SLC17A3: variants seen among roughly 807,000 people sequenced by gnomAD.
SLC17A3 encodes the protein solute carrier family 17 member 3.
SLC17A3 carries 61 observed loss-of-function variants against 60.3 expected under a neutral mutation model. That is an observed-to-expected ratio of 1.01 (90% CI 0.82 to 1.25). SLC17A3 has a LOEUF of 1.25. Ranked by LOEUF, SLC17A3 falls within the 50% of genes most tolerant of loss-of-function variation. SLC17A3 has a pLI of 0.00. For synonymous variants in SLC17A3, 192 were observed against 208.9 expected, an observed-to-expected ratio of 0.92 and a Z score of 0.70; for missense variants, 624 against 594.9, an observed-to-expected ratio of 1.05 and a Z score of -0.51.
chr6:25,850,931 A>C (rs1765266723), intron 6 of SLC17A3, 54 bp from the exon 7 acceptor site: 1 of 1,265,360 alleles, frequency 7.9e-7, no homozygotes, highest in Non-Finnish European at 1.2e-6. Flanking sequence ...TTTTGGGTGA[A>C]CTTCTTTTAT....
Position 25,857,557 on chromosome 6 carries a change from C to CA in SLC17A3, c.626-2328dup, listed in dbSNP as rs577314037. 8.4e-3 allele frequency among the ~76,000 whole-genome samples: 957 copies of CA among 113,502 alleles called. 4 individuals carry two copies. Among genetic ancestry groups the CA allele is most frequent in the African/African-American group, 0.021 (628 of 30,420 alleles). The allele number at this position is 113,502 out of a possible 152,430, so 74.5% of individuals were successfully genotyped here. A position where few individuals can be genotyped will look rare whatever the true frequency, so the allele number is the denominator to read the frequency against. On this transcript the variant is annotated intron_variant, in intron 5 of 12. Coordinates refer to ENST00000397060, the MANE Select transcript of SLC17A3 (RefSeq NM_001098486.2). ...AAGATCTTTTCCTACCACATAACGT[C>CA]AAAAAAAAAAAAAGAAAAAAAAGTC...
chr6:25,849,389 T>C lies in SLC17A3; in HGVS notation c.1347A>G (p.Gly449=), dbSNP rs1193109870. Residue 449 remains glycine, a synonymous_variant, in exon 11 of 13, where the codon GGA becomes GGG. Coordinates refer to ENST00000397060, the MANE Select transcript of SLC17A3 (RefSeq NM_001098486.2). ...AAAATTGTACCTGACTAAGAAGAAATCCACTGACAGTGGGTACAATGACAG... is the reference window on the plus strand; with the variant it reads ...AAAATTGTACCTGACTAAGAAGAAACCCACTGACAGTGGGTACAATGACAG... ...IAPVIVPTVS[G]FLLSQDPEFG... 9.3e-6 allele frequency: 15 copies of C among 1,606,918 alleles called. No homozygotes were observed. The highest frequency in any genetic ancestry group is 1.3e-5 in the Non-Finnish European group (15 of 1,173,790).
Position 25,852,119 on chromosome 6 carries a change from C to T in SLC17A3, c.713-1242G>A, listed in dbSNP as rs368335947. Among the ~76,000 whole-genome samples, 12 of 151,134 alleles carry T rather than the reference C, an allele frequency of 7.9e-5. No individual in the cohort carries two copies. The East Asian group carries it at 1.9e-3, about 25-fold the overall frequency. On this transcript the variant is annotated intron_variant, in intron 6 of 12. Coordinates refer to ENST00000397060, the MANE Select transcript of SLC17A3 (RefSeq NM_001098486.2). The stretch of plus-strand genomic sequence containing the variant: ...GGTTGACAGATTTTGGTTTTTGTTT[C>T]TGTTTCGGTTTGTTTTTTTGCACTA...
chr6:25,864,946 G>A (rs1765511501), intron 2 of SLC17A3, among the ~76,000 whole-genome samples: 1 of 151,912 alleles, frequency 6.6e-6, no homozygotes, highest in South Asian at 2.1e-4. Context: ...ATGGGTGGTG[G>A]GATAAGAAGA....
intron 2 of SLC17A3, among the ~76,000 whole-genome samples, chr6:25,866,941 T>C (rs972750088): frequency 6.6e-6 from 1 of 151,998 alleles, no homozygotes; most frequent in African/African-American, 2.4e-5. Flanking sequence ...TTTGTCAAAC[T>C]GAAGACACCA....
intron 6 of SLC17A3, among the ~76,000 whole-genome samples, chr6:25,854,659 G>T (rs1581523786): frequency 6.6e-6 from 1 of 152,152 alleles, no homozygotes; most frequent in Admixed American, 6.5e-5. Context: ...ATAACTAAAT[G>T]GAAGGCTTTG....
chr6:25,859,326 T>C (rs1182814), intron 5 of SLC17A3, among the ~76,000 whole-genome samples: 36,948 of 152,072 alleles, frequency 0.24, 4,674 homozygotes, highest in African/African-American at 0.29. Flanking sequence ...AGCACTGAAG[T>C]TTGTGAAATT....
At chr6:25,869,333 A>C (rs2151528156) in intron 1 of SLC17A3, among the ~76,000 whole-genome samples, 1 of 152,086 alleles carries the variant, frequency 6.6e-6, no homozygotes, top group South Asian at 2.1e-4. Flanking sequence ...AACTGCTTCT[A>C]CCAGTAATAA....
intron 1 of SLC17A3, among the ~76,000 whole-genome samples, chr6:25,871,113 A>G (rs1039785966): frequency 1.8e-4 from 27 of 152,040 alleles, no homozygotes; most frequent in African/African-American, 6.3e-4. Flanking sequence ...TAGAAATACC[A>G]TTTGACCCAG....
chr6:25,859,406 G>A (rs1765410622), intron 5 of SLC17A3, among the ~76,000 whole-genome samples: 1 of 152,146 alleles, frequency 6.6e-6, no homozygotes, highest in Admixed American at 6.6e-5. Flanking sequence ...GCTATGGTGG[G>A]AGTGTTTAGA....
Position 25,868,426 on chromosome 6 carries a change from A to G in SLC17A3, c.-33-6T>C. 3 of 1,512,134 alleles carry G rather than the reference A, an allele frequency of 2.0e-6. No homozygotes were observed. Among genetic ancestry groups the G allele is most frequent in the South Asian group, 1.1e-5 (1 of 88,878 alleles). The allele number at this position is 1,512,134 out of a possible 1,614,324, so 93.7% of individuals were successfully genotyped here. A position where few individuals can be genotyped will look rare whatever the true frequency, so the allele number is the denominator to read the frequency against. ...TCCTAGTGAATGGTTTTCACCTATC[A>G]GGGAGATATGTAATTCACATGCATC... On this transcript the variant is annotated splice_polypyrimidine_tract_variant and splice_region_variant and intron_variant, in intron 1 of 12. Transcript: ENST00000397060.
chr6:25,863,892 G>A (rs1245575950), intron 2 of SLC17A3, among the ~76,000 whole-genome samples: 3 of 152,066 alleles, frequency 2.0e-5, no homozygotes, highest in African/African-American at 7.2e-5. Flanking sequence ...GGCCCTAGAA[G>A]TGTAGCAGCA....
chr6:25,861,941 C>T lies in SLC17A3; in HGVS notation c.392G>A (p.Gly131Glu). ...YGGILTMAPS[G>E]YLAGRVGTKR... The stretch of plus-strand genomic sequence containing the variant: ...TGTTCCTACTCTTCCAGCCAGGTAT[C>T]CACTGGGAGCCATTGTCAGTATGCC... The change falls in exon 4 of 13, where the codon GGA becomes GAA. Residue 131 changes from glycine to glutamate, a missense_variant. Coordinates refer to ENST00000397060, the MANE Select transcript of SLC17A3 (RefSeq NM_001098486.2). 1 of 1,612,696 alleles carries T rather than the reference C, an allele frequency of 6.2e-7. No homozygotes were observed. Among genetic ancestry groups the T allele is most frequent in the Non-Finnish European group, 8.5e-7 (1 of 1,179,392 alleles).
At chr6:25,866,506 G>A (rs1216826221) in intron 2 of SLC17A3, among the ~76,000 whole-genome samples, 1 of 151,952 alleles carries the variant, frequency 6.6e-6, no homozygotes, top group Non-Finnish European at 1.5e-5. Context: ...CTGGAGCTCT[G>A]AGCCACAGAA....
At position 25,862,408 on chromosome 6, in the gene SLC17A3, A is replaced by G. The variant is rs1765466683; in HGVS notation, c.128T>C (p.Leu43Pro). 6.2e-7 allele frequency: 1 copy of G among 1,613,556 alleles called. No homozygotes were observed. Among genetic ancestry groups the G allele is most frequent in the Admixed American group, 1.7e-5 (1 of 59,980 alleles). ...SLCSARYGIA[L>P]VLHFCNFTTI... is the part of the protein sequence containing the mutation. Reference sequence around the variant, plus strand: ...TGTGAAATTGCAGAAATGTAAGACGAGGGCTATTCCATAGCGAGCAGAACA... The same window carrying G: ...TGTGAAATTGCAGAAATGTAAGACGGGGGCTATTCCATAGCGAGCAGAACA... Residue 43 changes from leucine (L) to proline (P), a missense_variant, in exon 3 of 13, where the codon CTC (leucine) becomes CCC (proline). Physicochemically the swap from Leu to Pro is moderately conservative, Grantham distance 98 (BLOSUM62 -3). Coordinates refer to ENST00000397060, the MANE Select transcript of SLC17A3 (RefSeq NM_001098486.2).
At chr6:25,862,467 T>C in intron 2 of SLC17A3, 23 bp from the exon 3 acceptor site, 3 of 1,572,568 alleles carry the variant, frequency 1.9e-6, no homozygotes, top group South Asian at 1.1e-5. Flanking sequence ...TGACATCATA[T>C]TAGTGTTTTT....
chr6:25,849,662 C>T, intron 10 of SLC17A3, 143 bp downstream of exon 10: 1 of 933,272 alleles, frequency 1.1e-6, no homozygotes. Context: ...CCTTCCTCAA[C>T]ATACCTGAAA....
rs1471265466 is a variant in SLC17A3, at chr6:25,850,832, T to C, written c.758A>G (p.Tyr253Cys). The C allele has an allele frequency of 6.2e-7, 1 of 1,614,096 alleles. No homozygotes were observed. The highest frequency in any genetic ancestry group is 8.5e-7 in the Non-Finnish European group (1 of 1,179,946). ...CCATGGATAGGAAACGGGGTCATCA[T>C]AAATCACAACAAACCAGAGAAGGCA... ...VCCLLWFVVI[Y>C]DDPVSYPWIS... Residue 253 changes from tyrosine (Y) to cysteine (C), a missense_variant, in exon 7 of 13, where the codon TAT (tyrosine) becomes TGT (cysteine). By Grantham distance (194) the Tyr-to-Cys change is radical. Transcript: ENST00000397060.
chr6:25,861,577 G>A, intron 5 of SLC17A3, 47 bp downstream of exon 5: 1 of 1,491,396 alleles, frequency 6.7e-7, no homozygotes, highest in Non-Finnish European at 9.4e-7. Context: ...GAACCCAGTG[G>A]GAAAATGTTG....
Sources: gnomAD v4.1 joint callset for allele counts (sites outside exome capture counted in the v4.1 genomes callset) on GRCh38, gnomAD v4.1.1 for gene constraint, MANE v1.5 for transcripts, NCBI Gene and HGNC (gene_info 2026-07-23, HGNC 2026-07-21) for gene names.